MAPK8: variants seen among roughly 807,000 people sequenced by gnomAD.
MAPK8 encodes the protein mitogen-activated protein kinase 8.
A neutral mutation model predicts 52.9 loss-of-function variants in MAPK8; 13 were observed. That is an observed-to-expected ratio of 0.25 (90% CI 0.16 to 0.39). The LOEUF (loss-of-function observed/expected upper bound fraction) is 0.39, where lower values mean the gene tolerates loss of function less well. MAPK8 is among the 10% of genes least tolerant of loss of function. MAPK8 has a pLI of 1.00. For missense variants in MAPK8, 300 were observed against 519.2 expected (o/e 0.58, Z 4.10); for synonymous variants, 191 against 169.8 (o/e 1.12, Z -0.97).
chr10:48,330,104 C>CA (rs1843983136), intron 1 of MAPK8, among the ~76,000 whole-genome samples: 1 of 151,974 alleles, frequency 6.6e-6, no homozygotes, highest in African/African-American at 2.4e-5. Flanking sequence ...TGTAAGGATA[C>CA]AAAAATCATA....
At chr10:48,389,655 G>A (rs2041516511) in intron 1 of MAPK8, among the ~76,000 whole-genome samples, 1 of 152,134 alleles carries the variant, frequency 6.6e-6, no homozygotes, top group African/African-American at 2.4e-5. Context: ...CTTGTTCATT[G>A]GTTCATTCAA....
chr10:48,437,640 G>C lies in MAPK8; in HGVS notation c.*2611G>C, dbSNP rs764013495. On this transcript the variant is annotated 3_prime_UTR_variant, in exon 12 of 12. Transcript: ENST00000374189. ...TTGGGATCACTTAGTTATACTATAC[G>C]CAGATAGAGCATCTCAACTCTGTCA... 6.6e-6 allele frequency: 1 copy of C among 152,058 alleles called. No individual in the cohort carries two copies. Among genetic ancestry groups the C allele is most frequent in the Non-Finnish European group, 1.5e-5 (1 of 68,014 alleles). The allele number at this position is 152,058 out of a possible 1,614,324, so 9.4% of individuals were successfully genotyped here. A position where few individuals can be genotyped will look rare whatever the true frequency, so the allele number is the denominator to read the frequency against.
At chr10:48,407,863 C>G (rs1355905842) in intron 3 of MAPK8, among the ~76,000 whole-genome samples, 3 of 152,120 alleles carry the variant, frequency 2.0e-5, no homozygotes, top group Admixed American at 6.5e-5. Context: ...CTCTCTTCTA[C>G]TCTAGGGCTT....
chr10:48,377,136 T>C (rs191016660), intron 1 of MAPK8, among the ~76,000 whole-genome samples: 4 of 151,766 alleles, frequency 2.6e-5, no homozygotes, highest in Admixed American at 6.6e-5. Context: ...AAACACCGCA[T>C]GTTGCCACTT....
chr10:48,321,496 T>C (rs1239327446), intron 1 of MAPK8, among the ~76,000 whole-genome samples: 2 of 152,236 alleles, frequency 1.3e-5, no homozygotes, highest in African/African-American at 4.8e-5. Context: ...GCATCATTTG[T>C]AGCACAAAAA....
chr10:48,344,395 A>G (rs1016317071), intron 1 of MAPK8, among the ~76,000 whole-genome samples: 1 of 152,246 alleles, frequency 6.6e-6, no homozygotes, highest in African/African-American at 2.4e-5. Flanking sequence ...CAGATTGGCC[A>G]TCTGCTGTTT....
chr10:48,371,916 T>C (rs1848563242), intron 1 of MAPK8, among the ~76,000 whole-genome samples: 1 of 152,048 alleles, frequency 6.6e-6, no homozygotes, highest in Admixed American at 6.6e-5. Flanking sequence ...TTACAGAGAA[T>C]ACAGATGAAC....
intron 1 of MAPK8, among the ~76,000 whole-genome samples, chr10:48,323,172 A>G (rs1002525536): frequency 6.6e-6 from 1 of 152,212 alleles, no homozygotes; most frequent in Middle Eastern, 3.2e-3. Context: ...AGAGAAAACT[A>G]GATATTTTTG....
chr10:48,311,841 A>T (rs1362793774), intron 1 of MAPK8, among the ~76,000 whole-genome samples: 1 of 152,204 alleles, frequency 6.6e-6, no homozygotes, highest in Non-Finnish European at 1.5e-5. Context: ...GTTCCTTCTC[A>T]AGAGCATCTA....
chr10:48,404,702 T>C (rs1454649327), intron 2 of MAPK8, 150 bp from the exon 3 acceptor site: 11 of 570,576 alleles, frequency 1.9e-5, no homozygotes, highest in East Asian at 2.9e-5. Context: ...GTAATAGATA[T>C]AGAAGACACA....
intron 1 of MAPK8, among the ~76,000 whole-genome samples, chr10:48,396,266 A>G (rs1338572870): frequency 2.0e-5 from 3 of 152,174 alleles, no homozygotes; most frequent in Non-Finnish European, 4.4e-5. Flanking sequence ...AAATAAGACA[A>G]TGCAATTAGA....
intron 1 of MAPK8, among the ~76,000 whole-genome samples, chr10:48,350,210 T>A (rs1430635289): frequency 6.6e-6 from 1 of 152,182 alleles, no homozygotes; most frequent in African/African-American, 2.4e-5. Context: ...CTGGTACCAT[T>A]CCTTCTGAAA....
intron 1 of MAPK8, among the ~76,000 whole-genome samples, chr10:48,399,601 A>G (rs1293871980): frequency 1.3e-5 from 2 of 152,196 alleles, no homozygotes; most frequent in Non-Finnish European, 2.9e-5. Context: ...TTAGCAGAAA[A>G]GGAAACCTGC....
At chr10:48,406,694 A>T (rs1449487162) in intron 3 of MAPK8, among the ~76,000 whole-genome samples, 1 of 152,152 alleles carries the variant, frequency 6.6e-6, no homozygotes, top group Non-Finnish European at 1.5e-5. Flanking sequence ...AAACAATTTC[A>T]TCCTCTGTAC....
chr10:48,369,794 G>A (rs978745617), intron 1 of MAPK8, among the ~76,000 whole-genome samples: 10 of 152,270 alleles, frequency 6.6e-5, no homozygotes, highest in Admixed American at 3.3e-4. Context: ...TCAGGCAGGA[G>A]AATGTGGTGA....
chr10:48,363,040 G>C (rs1011127863), intron 1 of MAPK8, among the ~76,000 whole-genome samples: 9 of 151,774 alleles, frequency 5.9e-5, no homozygotes, highest in African/African-American at 2.2e-4. Flanking sequence ...CACCTAGCGT[G>C]GTATTTATTT....
intron 1 of MAPK8, among the ~76,000 whole-genome samples, chr10:48,331,908 A>C (rs1844187045): frequency 6.6e-6 from 1 of 152,060 alleles, no homozygotes; most frequent in East Asian, 1.9e-4. Context: ...AGGGTATTTT[A>C]GTTTCTAGAT....
intron 1 of MAPK8, among the ~76,000 whole-genome samples, chr10:48,362,950 AG>A (rs1211248068): frequency 2.0e-5 from 3 of 152,078 alleles, no homozygotes; most frequent in Non-Finnish European, 2.9e-5. Context: ...CATGTTGGCC[AG>A]GCTGGTCTCG....
At chr10:48,380,013 G>C (rs1179582307) in intron 1 of MAPK8, among the ~76,000 whole-genome samples, 1 of 151,184 alleles carries the variant, frequency 6.6e-6, no homozygotes, top group African/African-American at 2.4e-5. Flanking sequence ...GGAGGCTGAG[G>C]TGAGCGGATC....
Sources: allele counts gnomAD v4.1 joint callset (sites outside exome capture counted in the v4.1 genomes callset), GRCh38; gene constraint gnomAD v4.1.1; transcripts MANE v1.5; gene names NCBI Gene and HGNC (gene_info 2026-07-23, HGNC 2026-07-21).